Variants in EPHX4 observed in about 807,000 individuals in gnomAD.
The protein encoded by EPHX4 is abhydrolase domain containing 7.
A neutral mutation model predicts 44.9 loss-of-function variants in EPHX4; 31 were observed. The observed-to-expected ratio is 0.69, with a 90% CI of 0.52 to 0.93. EPHX4 has a LOEUF of 0.93. EPHX4 is among the 40% of genes least tolerant of loss of function. The pLI is 0.00. For synonymous variants in EPHX4, 151 were observed against 159.7 expected (o/e 0.95, Z 0.41); for missense variants, 373 against 438.1 (o/e 0.85, Z 1.33).
At chr1:92,031,641 T>C (rs1688361260) in intron 1 of EPHX4, among the ~76,000 whole-genome samples, 1 of 152,234 alleles carries the variant, frequency 6.6e-6, no homozygotes, top group African/African-American at 2.4e-5. Context: ...AAAACTCAGT[T>C]GCTTGAGTTG....
At chr1:92,051,408 G>A (rs1262645097) in intron 5 of EPHX4, among the ~76,000 whole-genome samples, 2 of 151,870 alleles carry the variant, frequency 1.3e-5, no homozygotes, top group Non-Finnish European at 2.9e-5. Flanking sequence ...GTATTTAGTT[G>A]TTATGGCTTT....
intron 2 of EPHX4, among the ~76,000 whole-genome samples, 170 bp downstream of exon 2, chr1:92,032,760 G>A (rs1487844210): frequency 6.6e-6 from 1 of 152,132 alleles, no homozygotes; most frequent in Admixed American, 6.5e-5. Context: ...GCCAACATCT[G>A]ACAAGGGCCT....
At chr1:92,033,252 A>G (rs931734847) in intron 2 of EPHX4, among the ~76,000 whole-genome samples, 3 of 152,038 alleles carry the variant, frequency 2.0e-5, no homozygotes, top group Non-Finnish European at 2.9e-5. Context: ...CTTTTTGATC[A>G]TGTGCCCAGA....
intron 2 of EPHX4, among the ~76,000 whole-genome samples, chr1:92,037,786 TCTG>T (rs1257966799): frequency 6.6e-6 from 1 of 152,222 alleles, no homozygotes; most frequent in East Asian, 1.9e-4. Context: ...CTGAGTGTCC[TCTG>T]CTATTACCTA....
intron 2 of EPHX4, among the ~76,000 whole-genome samples, chr1:92,040,998 C>T (rs1400785703): frequency 6.6e-6 from 1 of 151,800 alleles, no homozygotes; most frequent in Non-Finnish European, 1.5e-5. Context: ...TTTTTTAATG[C>T]ATATTTTGAG....
rs575439577 is a variant in EPHX4 at position 92,051,554 on chromosome 1, T to C, written c.709-956T>C. Reference sequence around the variant, plus strand: ...TTGCTTCATCATGGTGGTATTTAACTTGTTCCTCTAACCCTTGTTTTTCCT... The same window carrying C: ...TTGCTTCATCATGGTGGTATTTAACCTGTTCCTCTAACCCTTGTTTTTCCT... On this transcript the variant is annotated intron_variant, in intron 5 of 6. Transcript: ENST00000370383. Among the ~76,000 whole-genome samples the C allele has an allele frequency of 5.3e-5, 8 of 152,340 alleles. No homozygotes were observed. The South Asian group carries it at 1.4e-3, about 28-fold the overall frequency.
In EPHX4 at chr1:92,063,036, A is replaced by G. The variant is rs773859700; in HGVS notation, c.858-19A>G. On this transcript the variant is annotated intron_variant, in intron 6 of 6. Coordinates refer to ENST00000370383, the MANE Select transcript of EPHX4 (RefSeq NM_173567.5). Reference sequence around the variant, plus strand: ...AACTTTGACAGTGAATCTCAAGCCCATGTATTTTGTTTTTATAGCTGCCTG... The same window carrying G: ...AACTTTGACAGTGAATCTCAAGCCCGTGTATTTTGTTTTTATAGCTGCCTG... 1.6e-5 allele frequency: 26 copies of G among 1,593,256 alleles called. No individual in the cohort carries two copies. The highest frequency in any genetic ancestry group is 2.1e-5 in the Non-Finnish European group (25 of 1,164,282).
chr1:92,050,666 C>T (rs898252424), intron 5 of EPHX4, among the ~76,000 whole-genome samples: 2 of 151,456 alleles, frequency 1.3e-5, no homozygotes, highest in African/African-American at 2.4e-5. Context: ...GAGAACGTCT[C>T]ATAGGGAGAT....
chr1:92,052,101 T>C (rs193120762), intron 5 of EPHX4, among the ~76,000 whole-genome samples: 8 of 152,334 alleles, frequency 5.3e-5, no homozygotes, highest in Admixed American at 3.3e-4. Context: ...TCCTTTCAGG[T>C]TGGCTTTTGT....
At chr1:92,040,876 G>A (rs1338636415) in intron 2 of EPHX4, among the ~76,000 whole-genome samples, 2 of 152,048 alleles carry the variant, frequency 1.3e-5, no homozygotes, top group African/African-American at 2.4e-5. Context: ...ATTCAGTTGC[G>A]TTAGCTTGCC....
At position 92,062,938 on chromosome 1, in the gene EPHX4, A is replaced by C. The variant is rs1647530884; in HGVS notation, c.858-117A>C. 3 of 834,068 alleles carry C rather than the reference A, an allele frequency of 3.6e-6. No homozygotes were observed. In the South Asian group the frequency reaches 5.5e-5, roughly 15 times the overall value. 51.7% of individuals were successfully genotyped at this position (834,068 alleles called of 1,614,324 possible). A position where few individuals can be genotyped will look rare whatever the true frequency, so the allele number is the denominator to read the frequency against. ...TCACCCTCCCAAGAACACAATTTTC[A>C]CCCTTTTAGAGGCAAGATTGCTCAC... On this transcript the variant is annotated intron_variant, in intron 6 of 6. Transcript: ENST00000370383.
chr1:92,030,485 TGAGAGAGA>T (rs371017117), intron 1 of EPHX4, among the ~76,000 whole-genome samples, 175 bp downstream of exon 1: 13 of 138,712 alleles, frequency 9.4e-5, no homozygotes, highest in East Asian at 2.0e-4. Context: ...TGTGTGTGTG[TGAGAGAGA>T]GAGAGAGAGA....
At chr1:92,052,849 C>A (rs940941977) in intron 6 of EPHX4, among the ~76,000 whole-genome samples, 191 bp downstream of exon 6, 1 of 152,138 alleles carries the variant, frequency 6.6e-6, no homozygotes, top group Admixed American at 6.5e-5. Context: ...AGTAATATAA[C>A]AAATCCTTCA....
At chr1:92,049,329 C>T (rs527943151) in intron 4 of EPHX4, among the ~76,000 whole-genome samples, 3 of 152,130 alleles carry the variant, frequency 2.0e-5, no homozygotes, top group Non-Finnish European at 4.4e-5. Flanking sequence ...CCCAGAGAGG[C>T]CTTCTTGACT....
chr1:92,030,208 C>T lies in EPHX4; in HGVS notation c.129C>T (p.Leu43=). 1 of 1,607,528 alleles carries T rather than the reference C, an allele frequency of 6.2e-7. No homozygotes were observed. The highest frequency in any genetic ancestry group is 1.7e-5 in the Admixed American group (1 of 59,448). The stretch of plus-strand genomic sequence containing the variant: ...ACCTGCTCAAACTTTTGTGGAGCCT[C>T]GGCAAGGGGCCGGCGCAGACCTTCC... ...SIHLLKLLWS[L]GKGPAQTFRR... The change falls in exon 1 of 7, where the codon CTC becomes CTT. Residue 43 remains leucine (L), a synonymous_variant. Transcript: ENST00000370383.
At chr1:92,058,084 T>A (rs1297379959) in intron 6 of EPHX4, among the ~76,000 whole-genome samples, 3 of 152,124 alleles carry the variant, frequency 2.0e-5, no homozygotes, top group African/African-American at 7.2e-5. Context: ...ACATTCAAAA[T>A]AAAATATCAA....
chr1:92,030,992 C>A (rs1430980116), intron 1 of EPHX4, among the ~76,000 whole-genome samples: 1 of 152,154 alleles, frequency 6.6e-6, no homozygotes, highest in Non-Finnish European at 1.5e-5. Flanking sequence ...TCCTGAGGCT[C>A]CAGGTGGTGA....
intron 2 of EPHX4, among the ~76,000 whole-genome samples, chr1:92,040,668 C>G (rs1379575855): frequency 6.6e-6 from 1 of 152,012 alleles, no homozygotes; most frequent in East Asian, 1.9e-4. Flanking sequence ...ACCATGTTGC[C>G]TAGGCTGGTC....
intron 5 of EPHX4, among the ~76,000 whole-genome samples, chr1:92,051,858 A>G (rs777270229): frequency 6.6e-6 from 1 of 152,188 alleles, no homozygotes; most frequent in Non-Finnish European, 1.5e-5. Context: ...GTTATTTTCT[A>G]ATTTTATAAT....
Sources: gnomAD v4.1 joint callset for allele counts (sites outside exome capture counted in the v4.1 genomes callset) on GRCh38, gnomAD v4.1.1 for gene constraint, MANE v1.5 for transcripts, NCBI Gene and HGNC (gene_info 2026-07-23, HGNC 2026-07-21) for gene names.